Variants in STARD13 observed in about 807,000 individuals in gnomAD.
The protein encoded by STARD13 is stAR-related lipid transfer protein 13.
STARD13 carries 62 observed loss-of-function variants against 106.4 expected under a neutral mutation model. The observed-to-expected ratio is 0.58, with a 90% confidence interval of 0.48 to 0.72. The LOEUF (loss-of-function observed/expected upper bound fraction) is 0.72, where lower values mean the gene tolerates loss of function less well. STARD13 is among the 30% of genes least tolerant of loss of function. The pLI, the probability that STARD13 is intolerant of heterozygous loss-of-function variation, is 0.00. For synonymous variants in STARD13, 565 were observed against 553.0 expected (o/e 1.02, Z -0.31); for missense variants, 1,387 against 1,424.0 (o/e 0.97, Z 0.42).
chr13:33,137,578 GC>G (rs1879221645), intron 4 of STARD13, among the ~76,000 whole-genome samples: 1 of 152,148 alleles, frequency 6.6e-6, no homozygotes, highest in Non-Finnish European at 1.5e-5. Flanking sequence ...CATATGGAAG[GC>G]CTTTCTAGTC....
chr13:33,561,294 C>CA, the STARD13 span, among the ~76,000 whole-genome samples: 1 of 151,088 alleles, frequency 6.6e-6, no homozygotes, highest in Non-Finnish European at 1.5e-5. Flanking sequence ...AAAATTTTTG[C>CA]AAAAAACATG....
At chr13:33,499,622 CTT>C in the STARD13 span, among the ~76,000 whole-genome samples, 31 of 116,270 alleles carry the variant, frequency 2.7e-4, no homozygotes, top group African/African-American at 3.6e-4. Context: ...TCTTCTTCTT[CTT>C]CTTCTTCTTC....
chr13:33,185,938 T>G, intron 1 of STARD13: 2 of 1,614,232 alleles, frequency 1.2e-6, no homozygotes, highest in African/African-American at 1.3e-5. Context: ...ACAGTGTCTT[T>G]GCATTCTCTG....
At chr13:33,160,760 T>A (rs192699648) in intron 3 of STARD13, among the ~76,000 whole-genome samples, 2 of 152,242 alleles carry the variant, frequency 1.3e-5, no homozygotes, top group East Asian at 3.9e-4. Flanking sequence ...AAACAAAAAC[T>A]GACAATACTA....
the STARD13 span, among the ~76,000 whole-genome samples, chr13:33,539,807 G>A: frequency 1.4e-4 from 21 of 152,200 alleles, no homozygotes; most frequent in African/African-American, 4.3e-4. Context: ...ATTTGGATAC[G>A]TACAAATCCC....
the STARD13 span, among the ~76,000 whole-genome samples, chr13:33,659,226 T>C: frequency 2.2e-5 from 1 of 45,418 alleles, no homozygotes; most frequent in African/African-American, 5.1e-5. Context: ...TTTTCTTTTT[T>C]TTTTTTTTTT....
At chr13:33,149,252 T>G (rs1284189604) in intron 3 of STARD13, among the ~76,000 whole-genome samples, 3 of 152,032 alleles carry the variant, frequency 2.0e-5, no homozygotes, top group African/African-American at 7.2e-5. Flanking sequence ...AATGTACCAG[T>G]CTGGTGGGGG....
the STARD13 span, among the ~76,000 whole-genome samples, chr13:33,512,490 G>A: frequency 1.3e-5 from 2 of 151,604 alleles, no homozygotes; most frequent in Admixed American, 6.6e-5. Context: ...TTTTTGAGGC[G>A]AAGTTTTGCT....
chr13:33,674,874 A>C, the STARD13 span, among the ~76,000 whole-genome samples: 2 of 152,352 alleles, frequency 1.3e-5, no homozygotes, highest in South Asian at 4.1e-4. Context: ...GGTTAATGAA[A>C]CTAACACATT....
the STARD13 span, among the ~76,000 whole-genome samples, chr13:33,612,087 G>A: frequency 3.3e-5 from 5 of 152,180 alleles, no homozygotes; most frequent in African/African-American, 2.4e-5. Context: ...GAATAAATAT[G>A]TACCAGGTGT....
At chr13:33,605,967 A>C in the STARD13 span, among the ~76,000 whole-genome samples, 1 of 152,262 alleles carries the variant, frequency 6.6e-6, no homozygotes, top group East Asian at 1.9e-4. Context: ...TAGCTGAGCA[A>C]GTTACTTAAT....
intron 1 of STARD13, among the ~76,000 whole-genome samples, chr13:33,181,825 C>T (rs1885263752): frequency 6.6e-6 from 1 of 152,142 alleles, no homozygotes; most frequent in Admixed American, 6.5e-5. Context: ...GCAATCTTTC[C>T]CTTTCTCTCT....
At chr13:33,217,890 T>G (rs1035253567) in intron 1 of STARD13, among the ~76,000 whole-genome samples, 4 of 152,100 alleles carry the variant, frequency 2.6e-5, no homozygotes, top group African/African-American at 9.7e-5. Flanking sequence ...GACAGGTAAA[T>G]CAGGCGAGTG....
upstream of STARD13, among the ~76,000 whole-genome samples, chr13:33,354,925 T>G (rs1337835568): frequency 6.6e-6 from 1 of 152,056 alleles, no homozygotes; most frequent in African/African-American, 2.4e-5. Context: ...TGGAAGAATT[T>G]TTATACCAAG....
At chr13:33,298,024 T>C (rs750611309) in intron 1 of STARD13, among the ~76,000 whole-genome samples, 1 of 152,128 alleles carries the variant, frequency 6.6e-6, no homozygotes, top group African/African-American at 2.4e-5. Context: ...CCTTATTACA[T>C]GATGTGTCCT....
the STARD13 span, among the ~76,000 whole-genome samples, chr13:33,433,560 C>T: frequency 1.5e-3 from 227 of 152,238 alleles, no homozygotes; most frequent in African/African-American, 5.3e-3. Context: ...TCTGCGTATG[C>T]GGAGGGGCCC....
chr13:33,241,588 C>G (rs891529752), intron 1 of STARD13, among the ~76,000 whole-genome samples: 1 of 149,466 alleles, frequency 6.7e-6, no homozygotes, highest in Non-Finnish European at 1.5e-5. Context: ...CCTCTGATGC[C>G]GAGCCGAGGC....
chr13:33,289,167 T>C (rs1892191329), upstream of STARD13, among the ~76,000 whole-genome samples: 1 of 152,218 alleles, frequency 6.6e-6, no homozygotes, highest in South Asian at 2.1e-4. Context: ...TATCTCTTCC[T>C]CTCTAATTCC....
chr13:33,125,180 C>G (rs770366456), intron 7 of STARD13, among the ~76,000 whole-genome samples: 6 of 152,130 alleles, frequency 3.9e-5, no homozygotes, highest in Non-Finnish European at 8.8e-5. Context: ...GCCCACTGAG[C>G]CCAAGGACCA....
Sources: gnomAD v4.1 joint callset for allele counts (sites outside exome capture counted in the v4.1 genomes callset) on GRCh38, gnomAD v4.1.1 for gene constraint, MANE v1.5 for transcripts, NCBI Gene and HGNC (gene_info 2026-07-23, HGNC 2026-07-21) for gene names.